FGFR1: variants seen among roughly 807,000 people sequenced by gnomAD.
The protein encoded by FGFR1 is FGFR1/PLAG1 fusion.
A neutral mutation model predicts 93.7 loss-of-function variants in FGFR1; 18 were observed. That is an observed-to-expected ratio of 0.19 (90% CI 0.13 to 0.28). The LOEUF (loss-of-function observed/expected upper bound fraction) is 0.28. Ranked by LOEUF, FGFR1 falls within the 10% of genes least tolerant of loss-of-function variation. The probability of loss-of-function intolerance (pLI) is 1.00; values close to 1 mark genes in which losing one functional copy is unlikely to be tolerated. For synonymous variants in FGFR1, 448 were observed against 429.3 expected, an observed-to-expected ratio of 1.04 and a Z score of -0.54; for missense variants, 731 against 1,080.4, an observed-to-expected ratio of 0.68 and a Z score of 4.53.
intron 2 of FGFR1, chr8:38,440,311 G>C (rs200797172): frequency 5.0e-5 from 80 of 1,604,372 alleles, no homozygotes; most frequent in Non-Finnish European, 6.2e-5. Flanking sequence ...CTTACCTTCG[G>C]CTGGCAGGAC....
At chr8:38,435,737 C>T (rs1230159985) in intron 2 of FGFR1, 1 of 152,198 alleles carries the variant, frequency 6.6e-6, no homozygotes, top group African/African-American at 2.4e-5. Context: ...GCCAGGGTGT[C>T]GTTAGGTGTC....
chr8:38,449,113 A>C (rs1455089668), intron 2 of FGFR1, among the ~76,000 whole-genome samples: 5 of 152,100 alleles, frequency 3.3e-5, no homozygotes, highest in Non-Finnish European at 5.9e-5. Flanking sequence ...GGAGAAAAAA[A>C]AAACACAGAA....
Position 38,444,585 on chromosome 8 carries a change from T to A in FGFR1, c.91+12771A>T, listed in dbSNP as rs9886455. 6.1e-3 allele frequency among the ~76,000 whole-genome samples: 701 copies of A among 114,726 alleles called. 4 individuals carry two copies. Among genetic ancestry groups the A allele is most frequent in the African/African-American group, 0.021 (651 of 31,162 alleles). 75.3% of individuals were successfully genotyped at this position (114,726 alleles called of 152,430 possible). On this transcript the variant is annotated intron_variant, in intron 2 of 17. Coordinates refer to ENST00000447712, the MANE Select transcript of FGFR1 (RefSeq NM_023110.3). ...TTTTTTTTTTTTTGTAGAGACAGGG[T>A]TTTACCATGTTGGCCAGGCTGGTCT...
At chr8:38,466,890 ACC>A (rs1313311655) in intron 1 of FGFR1, among the ~76,000 whole-genome samples, 3 of 25,544 alleles carry the variant, frequency 1.2e-4, no homozygotes, top group Admixed American at 4.2e-4. Context: ...CAGGCTTCAC[ACC>A]CCACCCCCCC....
Position 38,424,135 on chromosome 8 carries a change from C to T in FGFR1, c.936+374G>A, listed in dbSNP as rs1819843563. On this transcript the variant is annotated intron_variant, in intron 7 of 17. Transcript: ENST00000447712. The surrounding 1 kb of genome is among the most constrained non-coding windows in gnomAD (Gnocchi z 4.3). The stretch of plus-strand genomic sequence containing the variant: ...CATTTGCCAGAAAGATCGTACGTAA[C>T]TCAGGACACAGGGCTAAGACTGGGA... The T allele has an allele frequency of 2.5e-6, 1 of 394,370 alleles. No homozygotes were observed. The highest frequency in any genetic ancestry group is 2.2e-5 in the South Asian group (1 of 45,150). The allele number at this position is 394,370 out of a possible 1,614,324, so 24.4% of individuals were successfully genotyped here.
chr8:38,446,570 G>A (rs1207836975), intron 2 of FGFR1, among the ~76,000 whole-genome samples: 5 of 151,686 alleles, frequency 3.3e-5, no homozygotes, highest in Admixed American at 6.6e-5. Context: ...CCACCACCAC[G>A]CCCAGGTAAT....
Position 38,422,260 on chromosome 8 carries a change from G to A in FGFR1, c.937-319C>T, listed in dbSNP as rs1182806699. 12 of 470,992 alleles carry A rather than the reference G, an allele frequency of 2.5e-5. No individual in the cohort carries two copies. The East Asian group carries it at 4.5e-4, about 18-fold the overall frequency. 29.2% of individuals were successfully genotyped at this position (470,992 alleles called of 1,614,324 possible). On this transcript the variant is annotated intron_variant, in intron 7 of 17. Coordinates refer to ENST00000447712, the MANE Select transcript of FGFR1 (RefSeq NM_023110.3). ...TGGAGAAATGGGGCCGGCGGGCAGGGGCTGTTTGGTTTCAGGTAAAGATAG... is the reference window on the plus strand; with the variant it reads ...TGGAGAAATGGGGCCGGCGGGCAGGAGCTGTTTGGTTTCAGGTAAAGATAG...
intron 7 of FGFR1, 28 bp from the exon 8 acceptor site, chr8:38,421,969 A>T (rs2150761139): frequency 1.2e-6 from 2 of 1,613,736 alleles, no homozygotes; most frequent in Non-Finnish European, 1.7e-6. Context: ...AGCAAAATGG[A>T]CAAGCACAGG....
chr8:38,414,076 G>C (rs1815392300), intron 16 of FGFR1, 53 bp from the exon 17 acceptor site: 1 of 1,613,850 alleles, frequency 6.2e-7, no homozygotes, highest in Non-Finnish European at 8.5e-7. Context: ...ATACTCTCTA[G>C]TCTAGCCCCC....
At chr8:38,444,415 G>A (rs1479640259) in intron 2 of FGFR1, among the ~76,000 whole-genome samples, 1 of 150,726 alleles carries the variant, frequency 6.6e-6, no homozygotes, top group Admixed American at 6.6e-5. Context: ...TTGAGACAGG[G>A]TCTCATTCTG....
Position 38,415,043 on chromosome 8 carries a change from T to C in FGFR1, c.1855-142A>G, listed in dbSNP as rs564942100. On this transcript the variant is annotated intron_variant, in intron 13 of 17. Transcript: ENST00000447712. ...CTGCCCCCCGAACCTTTGCTTTCCCTCTTCTAACATTCTCTGCCAGCTCCA... is the reference window on the plus strand; with the variant it reads ...CTGCCCCCCGAACCTTTGCTTTCCCCCTTCTAACATTCTCTGCCAGCTCCA... 4.7e-5 allele frequency: 31 copies of C among 660,342 alleles called. No homozygotes were observed. In the South Asian group the frequency reaches 5.1e-4, roughly 11 times the overall value. 40.9% of individuals were successfully genotyped at this position (660,342 alleles called of 1,614,324 possible). A position where few individuals can be genotyped will look rare whatever the true frequency, so the allele number is the denominator to read the frequency against.
At chr8:38,437,071 A>C (rs1238301038) in intron 2 of FGFR1, among the ~76,000 whole-genome samples, 1 of 152,042 alleles carries the variant, frequency 6.6e-6, no homozygotes, top group Non-Finnish European at 1.5e-5. Flanking sequence ...GTAGAGATGG[A>C]GTTTTGCCAT....
chr8:38,429,073 G>T lies in FGFR1; in HGVS notation c.358+609C>A. The T allele has an allele frequency of 2.8e-6, 1 of 351,084 alleles. No homozygotes were observed. Among genetic ancestry groups the T allele is most frequent in the South Asian group, 2.1e-5 (1 of 46,726 alleles). 21.7% of individuals were successfully genotyped at this position (351,084 alleles called of 1,614,324 possible). A position where few individuals can be genotyped will look rare whatever the true frequency, so the allele number is the denominator to read the frequency against. On this transcript the variant is annotated intron_variant, in intron 3 of 17. Coordinates refer to ENST00000447712, the MANE Select transcript of FGFR1 (RefSeq NM_023110.3). The surrounding 1 kb of genome is among the most constrained non-coding windows in gnomAD (Gnocchi z 4.4). ...TCTCCAGTCCTTCCTATCACCTTTG[G>T]GGATCTGCTGCCAAGTCCACACCCT... is the stretch of plus-strand genomic sequence containing the variant.
chr8:38,415,814 TA>T (rs757018742), intron 13 of FGFR1, 55 bp downstream of exon 13: 7 of 1,540,370 alleles, frequency 4.5e-6, no homozygotes, highest in East Asian at 2.2e-5. Flanking sequence ...GCTGGAAGAC[TA>T]GGGGGGCTCT....
chr8:38,452,184 GACACACAGACACACAGACAC>G, intron 2 of FGFR1, among the ~76,000 whole-genome samples: 1 of 99,754 alleles, frequency 1.0e-5, no homozygotes, highest in Admixed American at 1.3e-4. Flanking sequence ...GCTCCCGACA[GACACACAGACACACAGACAC>G]ACACACACAC....
At chr8:38,465,185 C>G (rs890593993) in intron 1 of FGFR1, among the ~76,000 whole-genome samples, 3 of 152,210 alleles carry the variant, frequency 2.0e-5, no homozygotes, top group Admixed American at 6.5e-5. Context: ...GCTTCCCTTG[C>G]TATCAAAGGG....
chr8:38,440,697 C>G (rs1268893561), intron 2 of FGFR1, among the ~76,000 whole-genome samples: 4 of 151,908 alleles, frequency 2.6e-5, no homozygotes, highest in Non-Finnish European at 5.9e-5. Flanking sequence ...CCTGACAAAA[C>G]GGTGCAAACT....
At chr8:38,431,921 A>G (rs564008774) in intron 2 of FGFR1, among the ~76,000 whole-genome samples, 2 of 152,306 alleles carry the variant, frequency 1.3e-5, no homozygotes, top group South Asian at 4.1e-4. Flanking sequence ...TAAGGAGAAA[A>G]GCAGTTTAGA....
At chr8:38,447,148 CA>C (rs879835766) in intron 2 of FGFR1, among the ~76,000 whole-genome samples, 444 of 137,524 alleles carry the variant, frequency 3.2e-3, no homozygotes, top group Non-Finnish European at 4.6e-3. Context: ...CACACACACA[CA>C]CACCCCTGAC....
Sources: gnomAD v4.1 joint callset for allele counts (sites outside exome capture counted in the v4.1 genomes callset) on GRCh38, gnomAD v4.1.1 for gene constraint, Gnocchi (gnomAD v3.1) non-coding constraint, MANE v1.5 for transcripts, NCBI Gene and HGNC (gene_info 2026-07-23, HGNC 2026-07-21) for gene names.